The following CBFA2T2 variants were observed in gnomAD, a reference collection of about 807,000 sequenced individuals.
CBFA2T2 encodes protein CBFA2T2.
Under a neutral mutation model 62.2 loss-of-function variants are expected in CBFA2T2, and 11 were observed. That is an observed-to-expected ratio of 0.18 (90% confidence interval 0.11 to 0.29). The LOEUF (loss-of-function observed/expected upper bound fraction) is 0.29, where lower values mean the gene tolerates loss of function less well. CBFA2T2 is among the 10% of genes least tolerant of loss of function. CBFA2T2 has a pLI of 1.00. For synonymous variants in CBFA2T2, 295 were observed against 287.5 expected, an observed-to-expected ratio of 1.03 and a Z score of -0.27; for missense variants, 592 against 774.1, an observed-to-expected ratio of 0.76 and a Z score of 2.79.
chr20:33,509,860 G>A (rs1255696365), intron 1 of CBFA2T2, among the ~76,000 whole-genome samples: 1 of 150,492 alleles, frequency 6.6e-6, no homozygotes, highest in African/African-American at 2.5e-5. Flanking sequence ...TAGGGTACAT[G>A]TGCACAATGT....
In CBFA2T2 at chr20:33,629,919, G is replaced by C. The variant is rs1034269514; in HGVS notation, c.1228+5G>C. The C allele has an allele frequency of 2.5e-6, 4 of 1,606,962 alleles. No individual in the cohort carries two copies. The highest frequency in any genetic ancestry group is 3.4e-6 in the Non-Finnish European group (4 of 1,177,368). On this transcript the variant is annotated splice_donor_5th_base_variant and intron_variant, in intron 8 of 10. Transcript: ENST00000342704. ...GTGCAGATTCTCTCAGCAATGGTAA[G>C]GGGAGAGTCTACGGGAAACCCAAAA...
At chr20:33,553,713 G>A (rs1316972346) in intron 1 of CBFA2T2, among the ~76,000 whole-genome samples, 1 of 152,200 alleles carries the variant, frequency 6.6e-6, no homozygotes, top group African/African-American at 2.4e-5. Flanking sequence ...CAGGCTATAA[G>A]TTTGCTGACT....
At chr20:33,542,089 T>A (rs555195726) in intron 1 of CBFA2T2, among the ~76,000 whole-genome samples, 102 of 152,206 alleles carry the variant, frequency 6.7e-4, no homozygotes, top group Non-Finnish European at 1.2e-3. Context: ...GAAGAACTTA[T>A]TAAAGTTTGG....
At chr20:33,613,033 C>A (rs547168675) in intron 3 of CBFA2T2, among the ~76,000 whole-genome samples, 3 of 152,208 alleles carry the variant, frequency 2.0e-5, no homozygotes, top group Admixed American at 1.3e-4. Flanking sequence ...GTTTGCACCA[C>A]TGCACTTCCA....
intron 1 of CBFA2T2, among the ~76,000 whole-genome samples, chr20:33,520,067 C>G (rs550743235): frequency 3.9e-5 from 6 of 152,076 alleles, no homozygotes; most frequent in Non-Finnish European, 8.8e-5. Context: ...ATCGCTTGAA[C>G]CTGGGAGGCA....
At chr20:33,545,048 A>T (rs368660374) in intron 1 of CBFA2T2, among the ~76,000 whole-genome samples, 3 of 152,088 alleles carry the variant, frequency 2.0e-5, no homozygotes, top group Non-Finnish European at 4.4e-5. Context: ...GGCAGTCCCA[A>T]CTCTCATGAA....
intron 4 of CBFA2T2, among the ~76,000 whole-genome samples, chr20:33,620,154 A>G (rs2015889214): frequency 6.6e-6 from 1 of 152,172 alleles, no homozygotes; most frequent in South Asian, 2.1e-4. Flanking sequence ...TATCATGCTT[A>G]CATGATAAAT....
intron 1 of CBFA2T2, among the ~76,000 whole-genome samples, chr20:33,569,904 G>A (rs909215683): frequency 7.2e-5 from 11 of 152,096 alleles, no homozygotes; most frequent in Non-Finnish European, 5.9e-5. Context: ...AGTTTAAAAA[G>A]GTACTAAAGC....
intron 1 of CBFA2T2, among the ~76,000 whole-genome samples, chr20:33,517,452 G>GT (rs1162658335): frequency 0.065 from 9,588 of 147,886 alleles, 861 homozygotes; most frequent in African/African-American, 0.17. Flanking sequence ...TTTTTTTGGT[G>GT]TTTTTTTTTT....
chr20:33,499,462 A>G (rs1444265089), intron 1 of CBFA2T2, among the ~76,000 whole-genome samples: 1 of 152,232 alleles, frequency 6.6e-6, no homozygotes, highest in Non-Finnish European at 1.5e-5. Context: ...CATGTGCGAC[A>G]TGAGCTAGTG....
intron 1 of CBFA2T2, among the ~76,000 whole-genome samples, chr20:33,513,175 C>T (rs2146855743): frequency 6.6e-6 from 1 of 152,272 alleles, no homozygotes; most frequent in East Asian, 1.9e-4. Context: ...GTTCTATCAG[C>T]CAATGCTTGC....
chr20:33,640,382 G>A lies in CBFA2T2; in HGVS notation c.1339G>A (p.Val447Ile), dbSNP rs771126062. 4 of 1,614,248 alleles carry A rather than the reference G, an allele frequency of 2.5e-6. No homozygotes were observed. Among genetic ancestry groups the A allele is most frequent in the Non-Finnish European group, 3.4e-6 (4 of 1,180,040 alleles). ...NKVKIQAMSE[V>I]QKAVAEAEQK... ...GGTGAAAATTCAGGCCATGTCAGAA[G>A]TACAGAAGGCCGTCGCTGAGGCAGA... is the stretch of plus-strand genomic sequence containing the variant. The change falls in exon 10 of 11, where the codon GTA becomes ATA. Residue 447 changes from valine to isoleucine, a missense_variant. This residue lies in a region of CBFA2T2 where 58 missense variants were observed against 123.9 expected (regional missense o/e 0.47). Coordinates refer to ENST00000342704, the MANE Select transcript of CBFA2T2 (RefSeq NM_001032999.3).
At chr20:33,545,162 C>T (rs1020485563) in intron 1 of CBFA2T2, among the ~76,000 whole-genome samples, 4 of 152,154 alleles carry the variant, frequency 2.6e-5, no homozygotes, top group Non-Finnish European at 4.4e-5. Context: ...AGCATTTAAA[C>T]TTTAGGAAGC....
chr20:33,517,452 G>GTTT (rs1162658335), intron 1 of CBFA2T2, among the ~76,000 whole-genome samples: 4 of 148,036 alleles, frequency 2.7e-5, no homozygotes, highest in African/African-American at 7.5e-5. Context: ...TTTTTTTGGT[G>GTTT]TTTTTTTTTT....
chr20:33,572,568 A>G (rs1600988804), intron 1 of CBFA2T2, among the ~76,000 whole-genome samples: 1 of 152,252 alleles, frequency 6.6e-6, no homozygotes, highest in South Asian at 2.1e-4. Context: ...GCTGAATAAC[A>G]ATAATGAAAT....
intron 1 of CBFA2T2, among the ~76,000 whole-genome samples, chr20:33,561,506 T>C (rs2013090642): frequency 1.3e-5 from 2 of 152,224 alleles, no homozygotes; most frequent in African/African-American, 2.4e-5. Flanking sequence ...TGTGTAACTA[T>C]AGTATGGTAT....
chr20:33,516,578 C>T (rs1161274555), intron 1 of CBFA2T2, among the ~76,000 whole-genome samples: 1 of 152,252 alleles, frequency 6.6e-6, no homozygotes, highest in Non-Finnish European at 1.5e-5. Flanking sequence ...TCGAGACCAG[C>T]CTGACCAACA....
intron 1 of CBFA2T2, among the ~76,000 whole-genome samples, chr20:33,537,104 G>A (rs1479901877): frequency 6.6e-6 from 1 of 152,216 alleles, no homozygotes; most frequent in African/African-American, 2.4e-5. Flanking sequence ...GGCAGAGGCT[G>A]CAATCTCGGC....
intron 1 of CBFA2T2, among the ~76,000 whole-genome samples, chr20:33,524,347 T>C (rs191352461): frequency 3.9e-5 from 6 of 152,272 alleles, no homozygotes; most frequent in Admixed American, 3.9e-4. Flanking sequence ...CATATTATTA[T>C]GATTTTTGGA....
Sources: allele counts gnomAD v4.1 joint callset (sites outside exome capture counted in the v4.1 genomes callset), GRCh38; gene constraint gnomAD v4.1.1; regional missense constraint gnomAD v4.1.1; transcripts MANE v1.5; gene names NCBI Gene and HGNC (gene_info 2026-07-23, HGNC 2026-07-21).